TTLL1: variants seen among roughly 807,000 people sequenced by gnomAD.
TTLL1 encodes polyglutamylase complex subunit TTLL1.
Under a neutral mutation model 47.8 loss-of-function variants are expected in TTLL1, and 33 were observed. The ratio of observed to expected loss-of-function variants is 0.69; its 90% CI spans 0.52 to 0.92. The LOEUF is 0.92. Ranked by LOEUF, TTLL1 falls within the 40% of genes least tolerant of loss-of-function variation. The pLI is 0.00. For missense variants in TTLL1, 488 were observed against 547.5 expected (o/e 0.89, Z 1.08); for synonymous variants, 225 against 214.1 (o/e 1.05, Z -0.45).
chr22:43,042,148 G>C (rs1052125319), intron 10 of TTLL1, among the ~76,000 whole-genome samples: 2 of 152,194 alleles, frequency 1.3e-5, no homozygotes, highest in South Asian at 4.1e-4. Flanking sequence ...GTGACCGCCC[G>C]TCTGGTTCGT....
intron 9 of TTLL1, among the ~76,000 whole-genome samples, chr22:43,049,442 G>T (rs1251567413): frequency 6.6e-6 from 1 of 151,734 alleles, no homozygotes; most frequent in African/African-American, 2.4e-5. Context: ...AGAATCACTT[G>T]AACCTGGGAG....
intron 4 of TTLL1, among the ~76,000 whole-genome samples, chr22:43,069,226 A>C (rs949403926): frequency 4.7e-5 from 7 of 150,510 alleles, no homozygotes; most frequent in Non-Finnish European, 5.9e-5. Flanking sequence ...AATACAAAAA[A>C]AAAAAAAAAA....
Position 43,074,635 on chromosome 22 carries a change from G to GT in TTLL1, c.113+838dup, listed in dbSNP as rs1351392411. On this transcript the variant is annotated intron_variant, in intron 3 of 10. Transcript: ENST00000266254. ...GTGGGAAGATCACTTGAGTCCAGGAGTTTGAGACCAGCCTGGGCAACATGG... is the reference window on the plus strand; with the variant it reads ...GTGGGAAGATCACTTGAGTCCAGGAGTTTTGAGACCAGCCTGGGCAACATGG... Among the ~76,000 whole-genome samples, 7 of 151,992 alleles carry GT rather than the reference G, an allele frequency of 4.6e-5. No individual in the cohort carries two copies. In the East Asian group the frequency reaches 1.4e-3, roughly 29 times the overall value.
chr22:43,040,007 C>G (rs1217189488), intron 10 of TTLL1, 102 bp from the exon 11 acceptor site: 27 of 1,498,192 alleles, frequency 1.8e-5, no homozygotes, highest in Non-Finnish European at 2.2e-5. Context: ...CCCAGAGAAG[C>G]GGCCTGAGGG....
intron 7 of TTLL1, among the ~76,000 whole-genome samples, chr22:43,061,293 C>A (rs572679030): frequency 5.9e-5 from 9 of 152,304 alleles, no homozygotes; most frequent in African/African-American, 2.2e-4. Context: ...CGAGTTAGGC[C>A]AGCCACATGT....
chr22:43,071,129 C>A (rs767990382), intron 3 of TTLL1, among the ~76,000 whole-genome samples: 79 of 152,062 alleles, frequency 5.2e-4, no homozygotes, highest in Non-Finnish European at 7.5e-4. Flanking sequence ...GTTGCCCAGG[C>A]TGGTCTCAAA....
intron 7 of TTLL1, among the ~76,000 whole-genome samples, chr22:43,061,629 T>G (rs1458653917): frequency 6.6e-6 from 1 of 152,236 alleles, no homozygotes; most frequent in Non-Finnish European, 1.5e-5. Context: ...TTGGTTTATG[T>G]TGGGGTGAAA....
At chr22:43,076,153 G>A (rs773617807) in intron 2 of TTLL1, among the ~76,000 whole-genome samples, 3 of 152,218 alleles carry the variant, frequency 2.0e-5, no homozygotes, top group South Asian at 2.1e-4. Flanking sequence ...TAACTGCAGA[G>A]TGACCGTAAG....
chr22:43,085,899 C>T (rs975883461), intron 1 of TTLL1, among the ~76,000 whole-genome samples: 4 of 152,052 alleles, frequency 2.6e-5, no homozygotes, highest in African/African-American at 9.7e-5. Context: ...GGCTCAGGAG[C>T]GGGCTGGCTC....
intron 1 of TTLL1, among the ~76,000 whole-genome samples, chr22:43,084,167 T>C (rs887121697): frequency 6.6e-6 from 1 of 152,188 alleles, no homozygotes; most frequent in East Asian, 1.9e-4. Context: ...TTTTTCTTTT[T>C]TGAGATGGAG....
intron 9 of TTLL1, 39 bp from the exon 10 acceptor site, chr22:43,046,612 T>G (rs781388016): frequency 6.2e-7 from 1 of 1,602,580 alleles, no homozygotes; most frequent in African/African-American, 1.3e-5. Context: ...CCTGTGTCTC[T>G]CGCTCTTTTG....
intron 7 of TTLL1, among the ~76,000 whole-genome samples, chr22:43,063,124 G>A (rs1927492488): frequency 6.6e-6 from 1 of 152,168 alleles, no homozygotes; most frequent in African/African-American, 2.4e-5. Flanking sequence ...CTCAGGGATG[G>A]TCTAAGCAGA....
chr22:43,047,392 C>T (rs1926225865), intron 9 of TTLL1, among the ~76,000 whole-genome samples: 1 of 151,810 alleles, frequency 6.6e-6, no homozygotes, highest in Admixed American at 6.6e-5. Flanking sequence ...AGAAGCTAAG[C>T]AACGTCACAA....
At chr22:43,072,215 G>A (rs1213028105) in intron 3 of TTLL1, among the ~76,000 whole-genome samples, 3 of 146,544 alleles carry the variant, frequency 2.0e-5, no homozygotes, top group Admixed American at 6.9e-5. Context: ...GTGTAGTGGC[G>A]TGACCTCGGC....
Position 43,075,455 on chromosome 22 carries a change from C to G in TTLL1, c.113+19G>C, listed in dbSNP as rs774259292. ...CGTAAGCCTCAGAGAAACAACCCAG[C>G]CCTGCTGTGTATGCTTACCAGTAAA... On this transcript the variant is annotated intron_variant, in intron 3 of 10. Coordinates refer to ENST00000266254, the MANE Select transcript of TTLL1 (RefSeq NM_012263.5). The G allele has an allele frequency of 6.2e-7, 1 of 1,604,808 alleles. No homozygotes were observed. Among genetic ancestry groups the G allele is most frequent in the Non-Finnish European group, 8.5e-7 (1 of 1,171,580 alleles).
intron 1 of TTLL1, among the ~76,000 whole-genome samples, chr22:43,085,701 G>GACT (rs1679807745): frequency 6.6e-6 from 1 of 152,198 alleles, no homozygotes; most frequent in African/African-American, 2.4e-5. Context: ...CATGAGAACA[G>GACT]ACTAATACAG....
chr22:43,072,579 C>T (rs1369891818), intron 3 of TTLL1, among the ~76,000 whole-genome samples: 1 of 152,072 alleles, frequency 6.6e-6, no homozygotes, highest in Non-Finnish European at 1.5e-5. Flanking sequence ...TCAAGCAAGC[C>T]TCCCACCTCA....
chr22:43,046,366 T>G, intron 10 of TTLL1, 44 bp downstream of exon 10: 1 of 1,605,268 alleles, frequency 6.2e-7, no homozygotes, highest in Non-Finnish European at 8.5e-7. Context: ...CACACGCCAT[T>G]CGGAAACACA....
intron 3 of TTLL1, chr22:43,070,106 T>G: frequency 7.4e-7 from 1 of 1,353,762 alleles, no homozygotes; most frequent in Non-Finnish European, 1.0e-6. Flanking sequence ...AGGCACTCAA[T>G]AGATGTTTAT....
Sources: gnomAD v4.1 joint callset for allele counts (sites outside exome capture counted in the v4.1 genomes callset) on GRCh38, gnomAD v4.1.1 for gene constraint, MANE v1.5 for transcripts, NCBI Gene and HGNC (gene_info 2026-07-23, HGNC 2026-07-21) for gene names.